DNAJC13: variants seen among roughly 807,000 people sequenced by gnomAD.
DNAJC13 encodes the protein dnaJ homolog subfamily C member 13.
A neutral mutation model predicts 290.5 loss-of-function variants in DNAJC13; 75 were observed. The ratio of observed to expected loss-of-function variants is 0.26; its 90% CI spans 0.21 to 0.31. The LOEUF is 0.31. Among genes scored for constraint, DNAJC13 ranks in the 10% least tolerant of loss-of-function variants. DNAJC13 has a pLI of 1.00. For missense variants in DNAJC13, 2,260 were observed against 2,674.5 expected (o/e 0.85, Z 3.42); for synonymous variants, 862 against 892.0 (o/e 0.97, Z 0.60).
At chr3:132,428,462 C>CT (rs542791064) in intron 1 of DNAJC13, among the ~76,000 whole-genome samples, 184 of 152,182 alleles carry the variant, frequency 1.2e-3, no homozygotes, top group African/African-American at 4.4e-3. Flanking sequence ...GTTATCTTAT[C>CT]TTTTTTTCAT....
chr3:132,506,045 C>CTTTTTTCT (rs1935574237), intron 42 of DNAJC13, among the ~76,000 whole-genome samples: 1 of 72,648 alleles, frequency 1.4e-5, no homozygotes, highest in Non-Finnish European at 2.7e-5. Flanking sequence ...TGTACATTAT[C>CTTTTTTCT]TTTTTTTTTT....
chr3:132,518,165 C>T (rs573906622), intron 48 of DNAJC13, among the ~76,000 whole-genome samples: 6 of 152,232 alleles, frequency 3.9e-5, no homozygotes, highest in East Asian at 1.9e-4. Flanking sequence ...CCCATTAACT[C>T]GTCAATAGTG....
Position 132,505,288 on chromosome 3 carries a change from A to G in DNAJC13, c.4885-14A>G, listed in dbSNP as rs750943904. 8.7e-6 allele frequency: 13 copies of G among 1,502,400 alleles called. No homozygotes were observed. In the Middle Eastern group the frequency reaches 5.2e-4, roughly 60 times the overall value. 93.1% of individuals were successfully genotyped at this position (1,502,400 alleles called of 1,614,324 possible). A position where few individuals can be genotyped will look rare whatever the true frequency, so the allele number is the denominator to read the frequency against. ...TTTCACTAAATGTTATAAAACGGTA[A>G]TATTGTCTCCTAGATTTTGAAGATG... On this transcript the variant is annotated splice_polypyrimidine_tract_variant and intron_variant, in intron 41 of 55. Transcript: ENST00000260818.
chr3:132,500,747 G>A (rs1478182095), intron 38 of DNAJC13, 47 bp from the exon 39 acceptor site: 1 of 1,608,268 alleles, frequency 6.2e-7, no homozygotes, highest in South Asian at 1.1e-5. Context: ...AATAAGGAAT[G>A]CCTATGTGAC....
chr3:132,519,818 C>A (rs866088487), intron 48 of DNAJC13, among the ~76,000 whole-genome samples: 4 of 151,978 alleles, frequency 2.6e-5, no homozygotes, highest in African/African-American at 9.7e-5. Flanking sequence ...AAGGGCTTCA[C>A]GCTGCTGATG....
intron 1 of DNAJC13, among the ~76,000 whole-genome samples, chr3:132,429,884 G>A (rs976790118): frequency 9.2e-5 from 14 of 152,064 alleles, no homozygotes; most frequent in Non-Finnish European, 1.6e-4. Context: ...GCCTTTTATT[G>A]GATGCAGAGT....
At chr3:132,529,282 C>T (rs1352527856) in intron 54 of DNAJC13, among the ~76,000 whole-genome samples, 1 of 152,098 alleles carries the variant, frequency 6.6e-6, no homozygotes, top group Non-Finnish European at 1.5e-5. Flanking sequence ...ATTTTTATGT[C>T]TAAATATGTC....
chr3:132,450,582 C>G, intron 5 of DNAJC13, 65 bp from the exon 6 acceptor site: 1 of 1,204,038 alleles, frequency 8.3e-7, no homozygotes, highest in Non-Finnish European at 1.2e-6. Flanking sequence ...GACTGTGATA[C>G]ATTAAATTTT....
At chr3:132,479,380 G>T in intron 25 of DNAJC13, 91 bp downstream of exon 25, 1 of 868,256 alleles carries the variant, frequency 1.2e-6, no homozygotes, top group Non-Finnish European at 1.9e-6. Context: ...TCCAGGGAGT[G>T]TTCTTTTCTG....
At chr3:132,459,114 T>C (rs1182363107) in intron 13 of DNAJC13, among the ~76,000 whole-genome samples, 1 of 152,212 alleles carries the variant, frequency 6.6e-6, no homozygotes, top group Non-Finnish European at 1.5e-5. Context: ...TATATCTATT[T>C]TGTAGAGAAG....
At chr3:132,527,294 C>A (rs1032981520) in intron 53 of DNAJC13, among the ~76,000 whole-genome samples, 10 of 152,184 alleles carry the variant, frequency 6.6e-5, no homozygotes, top group Admixed American at 2.0e-4. Flanking sequence ...TTTCTCATTA[C>A]CTGCCAGATG....
chr3:132,430,969 G>GA (rs1939225023), intron 1 of DNAJC13, among the ~76,000 whole-genome samples: 1 of 152,162 alleles, frequency 6.6e-6, no homozygotes, highest in South Asian at 2.1e-4. Context: ...TTGACTGTAA[G>GA]AAATTTCTTC....
At chr3:132,418,363 C>T (rs1938859831) in intron 1 of DNAJC13, among the ~76,000 whole-genome samples, 1 of 152,094 alleles carries the variant, frequency 6.6e-6, no homozygotes, top group African/African-American at 2.4e-5. Flanking sequence ...TGAATGTGGC[C>T]TTTGGAGTGG....
intron 1 of DNAJC13, among the ~76,000 whole-genome samples, chr3:132,432,824 C>G (rs987427968): frequency 6.6e-6 from 1 of 152,154 alleles, no homozygotes; most frequent in Non-Finnish European, 1.5e-5. Context: ...CACACAGATT[C>G]AACAATCTTG....
At position 132,490,935 on chromosome 3, in the gene DNAJC13, G is replaced by C; in HGVS notation, c.3507G>C (p.Gly1169=). 1 of 1,609,452 alleles carries C rather than the reference G, an allele frequency of 6.2e-7. No individual in the cohort carries two copies. ...ATATTTTTCAGAGAAGTATACTTGG[G>C]CACATTCTACCTGAAGCAATGGTTT... ...GQDIFQRSIL[G]HILPEAMVCY... is the part of the protein sequence containing the mutation. Residue 1169 remains glycine (G), a synonymous_variant, in exon 32 of 56, where the codon GGG becomes GGC. Coordinates refer to ENST00000260818, the MANE Select transcript of DNAJC13 (RefSeq NM_015268.4).
At chr3:132,531,469 C>T (rs1007189519) in intron 55 of DNAJC13, among the ~76,000 whole-genome samples, 1 of 152,146 alleles carries the variant, frequency 6.6e-6, no homozygotes, top group Non-Finnish European at 1.5e-5. Context: ...GTCAGAATAA[C>T]AGATTAAAAC....
intron 54 of DNAJC13, among the ~76,000 whole-genome samples, chr3:132,528,899 T>C (rs55840208): frequency 0.013 from 2,013 of 152,312 alleles, 39 homozygotes; most frequent in African/African-American, 0.046. Context: ...TTATTTCCTC[T>C]AAGGAGTTCC....
At chr3:132,435,403 G>A (rs1010774683) in intron 2 of DNAJC13, among the ~76,000 whole-genome samples, 1 of 152,162 alleles carries the variant, frequency 6.6e-6, no homozygotes, top group Non-Finnish European at 1.5e-5. Flanking sequence ...TGTGACACAT[G>A]CACAAAGCCA....
chr3:132,523,428 A>G (rs1006029944), intron 50 of DNAJC13, 112 bp from the exon 51 acceptor site: 67 of 1,316,436 alleles, frequency 5.1e-5, no homozygotes, highest in Non-Finnish European at 6.3e-5. Context: ...ATTTGATTAT[A>G]TTATGGCTGT....
Sources: gnomAD v4.1 joint callset for allele counts (sites outside exome capture counted in the v4.1 genomes callset) on GRCh38, gnomAD v4.1.1 for gene constraint, MANE v1.5 for transcripts, NCBI Gene and HGNC (gene_info 2026-07-23, HGNC 2026-07-21) for gene names.